Variants in KLHL6 observed in about 807,000 individuals in gnomAD.
KLHL6 encodes the protein kelch-like protein 6.
A neutral mutation model predicts 58.6 loss-of-function variants in KLHL6; 41 were observed. The ratio of observed to expected loss-of-function variants is 0.70; its 90% confidence interval spans 0.55 to 0.91. KLHL6 has a LOEUF of 0.91. Among genes scored for constraint, KLHL6 ranks in the 40% least tolerant of loss-of-function variants. KLHL6 has a pLI of 0.00. For synonymous variants in KLHL6, 338 were observed against 322.7 expected (o/e 1.05, Z -0.51); for missense variants, 714 against 805.6 (o/e 0.89, Z 1.38).
At position 183,499,268 on chromosome 3, in the gene KLHL6, C is replaced by T. The variant is rs114469925; in HGVS notation, c.1147+322G>A. Among the ~76,000 whole-genome samples, 1,245 of 152,092 alleles carry T rather than the reference C, an allele frequency of 8.2e-3. 14 individuals carry two copies. Among genetic ancestry groups the T allele is most frequent in the African/African-American group, 0.029 (1,194 of 41,464 alleles). On this transcript the variant is annotated intron_variant, in intron 4 of 6. Transcript: ENST00000341319. This position sits in a 1 kb window ranked among gnomAD's most constrained non-coding sequence, Gnocchi z 4.6. Reference sequence around the variant, plus strand: ...GGGTGAGGCAGGAGGGTCACTTGAACTCGGGAGGCGGAGGTTGCAGCTAGC... The same window carrying T: ...GGGTGAGGCAGGAGGGTCACTTGAATTCGGGAGGCGGAGGTTGCAGCTAGC...
At chr3:183,544,722 A>T (rs1183671893) in intron 1 of KLHL6, 1 of 138,782 alleles carries the variant, frequency 7.2e-6, no homozygotes, top group Non-Finnish European at 1.6e-5. Context: ...CCGCCTTTCT[A>T]TCTTCTGTCT....
At chr3:183,531,603 C>G (rs1213686530) in intron 1 of KLHL6, among the ~76,000 whole-genome samples, 1 of 151,910 alleles carries the variant, frequency 6.6e-6, no homozygotes, top group African/African-American at 2.4e-5. Flanking sequence ...CCTGCCACCA[C>G]GCCTGGCTAA....
chr3:183,510,135 G>T (rs965908321), intron 2 of KLHL6, among the ~76,000 whole-genome samples: 4 of 152,082 alleles, frequency 2.6e-5, no homozygotes, highest in Non-Finnish European at 4.4e-5. Flanking sequence ...TGTCTCAAAT[G>T]CATTGGTTCA....
At chr3:183,518,665 T>C (rs1164063884) in intron 2 of KLHL6, among the ~76,000 whole-genome samples, 2 of 152,180 alleles carry the variant, frequency 1.3e-5, no homozygotes, top group Non-Finnish European at 2.9e-5. Flanking sequence ...CTTTTGAGTT[T>C]CTAAATAGAC....
rs1428364102 is a variant in KLHL6 at position 183,487,740 on chromosome 3, GGTTTT to G, written c.*4182_*4186del. On this transcript the variant is annotated 3_prime_UTR_variant, in exon 7 of 7. Transcript: ENST00000341319. ...TATGAAAATCTGACCTGTCAAAACT[GGTTTT>G]GCAGTAGCCAGATTTGAGATATATG... 6.6e-6 allele frequency: 1 copy of G among 152,118 alleles called. No homozygotes were observed. Among genetic ancestry groups the G allele is most frequent in the African/African-American group, 2.4e-5 (1 of 41,422 alleles). The allele number at this position is 152,118 out of a possible 1,614,324, so 9.4% of individuals were successfully genotyped here. A position where few individuals can be genotyped will look rare whatever the true frequency, so the allele number is the denominator to read the frequency against.
chr3:183,531,446 T>G (rs1231961406), intron 1 of KLHL6, among the ~76,000 whole-genome samples: 2 of 124,440 alleles, frequency 1.6e-5, no homozygotes, highest in Non-Finnish European at 3.3e-5. Flanking sequence ...TGTCTGTGTT[T>G]TTTTTTTTTT....
intron 2 of KLHL6, among the ~76,000 whole-genome samples, chr3:183,510,941 T>C (rs1718166579): frequency 6.6e-6 from 1 of 152,054 alleles, no homozygotes; most frequent in African/African-American, 2.4e-5. Flanking sequence ...GGCCAGCCCC[T>C]CTACACCTGT....
intron 1 of KLHL6, among the ~76,000 whole-genome samples, chr3:183,535,676 C>T (rs1229800436): frequency 6.6e-6 from 1 of 152,208 alleles, no homozygotes; most frequent in African/African-American, 2.4e-5. Context: ...GCTTTGCACT[C>T]CAAGGAGCTC....
intron 1 of KLHL6, among the ~76,000 whole-genome samples, chr3:183,546,168 A>G (rs1284384108): frequency 1.3e-5 from 2 of 152,248 alleles, no homozygotes; most frequent in Non-Finnish European, 2.9e-5. Context: ...TGCAGGGAGC[A>G]GAGGAGTGAA....
chr3:183,500,055 G>A (rs549335988), intron 3 of KLHL6, among the ~76,000 whole-genome samples: 13 of 152,244 alleles, frequency 8.5e-5, no homozygotes, highest in South Asian at 4.1e-4. Flanking sequence ...AGTGTGCTTC[G>A]CCCAGGACCT....
chr3:183,500,548 G>A (rs546747203), intron 3 of KLHL6, among the ~76,000 whole-genome samples: 181 of 152,328 alleles, frequency 1.2e-3, no homozygotes, highest in Non-Finnish European at 2.0e-3. Flanking sequence ...TAAACTGCTT[G>A]TAATCATTGC....
chr3:183,555,153 A>G (rs1278212521), intron 1 of KLHL6, among the ~76,000 whole-genome samples: 1 of 152,328 alleles, frequency 6.6e-6, no homozygotes, highest in Non-Finnish European at 1.5e-5. Context: ...CAACAAAAGC[A>G]AAACTCCGTC....
intron 1 of KLHL6, among the ~76,000 whole-genome samples, chr3:183,532,505 C>T (rs905594152): frequency 6.6e-6 from 1 of 152,184 alleles, no homozygotes; most frequent in Non-Finnish European, 1.5e-5. Flanking sequence ...CATTGATGCC[C>T]AAATAACAGT....
At position 183,555,520 on chromosome 3, in the gene KLHL6, T is replaced by C; in HGVS notation, c.134A>G (p.Glu45Gly). The C allele has an allele frequency of 1.2e-6, 2 of 1,614,136 alleles. No individual in the cohort carries two copies. The highest frequency in any genetic ancestry group is 1.7e-6 in the Non-Finnish European group (2 of 1,180,018). The change falls in exon 1 of 7, where the codon GAA becomes GGA. Residue 45 changes from glutamate to glycine, a missense_variant. Transcript: ENST00000341319. ...TGDLVEILNGEKVKFDDAGLS... is the reference protein window; with the variant it reads ...TGDLVEILNGGKVKFDDAGLS... ...TCCCGCGTCGTCAAATTTGACCTTTTCCCCATTTAAGATCTCGACCAAGTC... is the reference window on the plus strand; with the variant it reads ...TCCCGCGTCGTCAAATTTGACCTTTCCCCCATTTAAGATCTCGACCAAGTC...
chr3:183,496,009 T>C (rs1717703622), intron 4 of KLHL6, among the ~76,000 whole-genome samples: 1 of 152,196 alleles, frequency 6.6e-6, no homozygotes, highest in African/African-American at 2.4e-5. Context: ...CAAATGTTAC[T>C]GCTACAGAAG....
At chr3:183,518,937 T>C (rs1711647057) in intron 2 of KLHL6, among the ~76,000 whole-genome samples, 1 of 152,148 alleles carries the variant, frequency 6.6e-6, no homozygotes, top group Non-Finnish European at 1.5e-5. Flanking sequence ...GTTCCCGAGA[T>C]GATGCCTTGC....
intron 3 of KLHL6, among the ~76,000 whole-genome samples, chr3:183,501,940 AT>A (rs1180867425): frequency 6.6e-6 from 1 of 152,166 alleles, no homozygotes; most frequent in Non-Finnish European, 1.5e-5. Flanking sequence ...TCTCCAGTGG[AT>A]CCTCAGCACC....
At chr3:183,553,463 A>G (rs555653442) in intron 1 of KLHL6, among the ~76,000 whole-genome samples, 1 of 152,338 alleles carries the variant, frequency 6.6e-6, no homozygotes, top group Non-Finnish European at 1.5e-5. Context: ...TATGCATTTT[A>G]TGATAGCAAG....
chr3:183,495,877 G>A (rs931279382), intron 4 of KLHL6, among the ~76,000 whole-genome samples: 2 of 152,088 alleles, frequency 1.3e-5, no homozygotes, highest in Admixed American at 6.5e-5. Flanking sequence ...TTAAAAACAA[G>A]AGCACAGAAA....
Sources: gnomAD v4.1 joint callset for allele counts (sites outside exome capture counted in the v4.1 genomes callset) on GRCh38, gnomAD v4.1.1 for gene constraint, Gnocchi (gnomAD v3.1) non-coding constraint, MANE v1.5 for transcripts, NCBI Gene and HGNC (gene_info 2026-07-23, HGNC 2026-07-21) for gene names.